Variants in CYP27B1 observed in about 807,000 individuals in gnomAD.
The protein encoded by CYP27B1 is cytochrome P450 family 27 subfamily B member 1.
Under a neutral mutation model 54.8 loss-of-function variants are expected in CYP27B1, and 46 were observed. That is an observed-to-expected ratio of 0.84 (90% CI 0.66 to 1.07). The LOEUF is 1.07. Ranked by LOEUF, CYP27B1 falls within the 50% of genes least tolerant of loss-of-function variation. The pLI is 0.00. For missense variants in CYP27B1, 674 were observed against 692.2 expected, an observed-to-expected ratio of 0.97 and a Z score of 0.30; for synonymous variants, 292 against 297.3, an observed-to-expected ratio of 0.98 and a Z score of 0.18.
chr12:57,764,873 G>T lies in CYP27B1; in HGVS notation c.844C>A (p.Gln282Lys), dbSNP rs1157005605. 6.2e-7 allele frequency: 1 copy of T among 1,614,198 alleles called. No individual in the cohort carries two copies. Among genetic ancestry groups the T allele is most frequent in the Admixed American group, 1.7e-5 (1 of 60,022 alleles). ...CCAGACTCCAGGTCCTTCTCGGGCT[G>T]TCCTCCGTTCCTCATGGCTGCCTCT... ...EAEAAMRNGGQPEKDLESGAH... is the reference protein window; with the variant it reads ...EAEAAMRNGGKPEKDLESGAH... Residue 282 changes from glutamine to lysine, a missense_variant, in exon 5 of 9, where the codon CAG becomes AAG. Gln to Lys is a moderately conservative substitution (Grantham distance 53). Coordinates refer to ENST00000228606, the MANE Select transcript of CYP27B1 (RefSeq NM_000785.4).
chr12:57,766,635 A>AGGCGCTTTC (rs1955363527), intron 1 of CYP27B1: 1 of 620,710 alleles, frequency 1.6e-6, no homozygotes. Context: ...GACAGCGAGA[A>AGGCGCTTTC]GGCGCTTTCG....
rs1480567822 is a variant in CYP27B1, at chr12:57,765,363, G to A, written c.523C>T (p.Arg175Cys). 12 of 1,613,262 alleles carry A rather than the reference G, an allele frequency of 7.4e-6. No individual in the cohort carries two copies. The highest frequency in any genetic ancestry group is 9.3e-6 in the Non-Finnish European group (11 of 1,179,772). Residue 175 changes from arginine (R) to cysteine (C), a missense_variant, in exon 3 of 9, where the codon CGT (arginine) becomes TGT (cysteine). Physicochemically the swap from Arg to Cys is radical, Grantham distance 180. Transcript: ENST00000228606. This position sits in a 1 kb window ranked among gnomAD's most constrained non-coding sequence, Gnocchi z 5.8. ...ACCAGGGCGGGCGGCCCCGTGCCAC[G>A]TCCCCGCTGGCGCCTCAGACGCCGC... ...LVRRLRRQRG[R>C]GTGPPALVRD... is the part of the protein sequence containing the mutation.
At position 57,766,989 on chromosome 12, in the gene CYP27B1, G is replaced by A. The variant is rs1271030322; in HGVS notation, c.53C>T (p.Ala18Val). ...ASRVFHRVRW[A>V]PELGASLGYR... Reference sequence around the variant, plus strand: ...GCCTAGGGAGGCGCCCAACTCGGGCGCCCAGCGGACGCGATGGAACACTCT... The same window carrying A: ...GCCTAGGGAGGCGCCCAACTCGGGCACCCAGCGGACGCGATGGAACACTCT... The change falls in exon 1 of 9, where the codon GCG becomes GTG. Residue 18 changes from alanine (A) to valine (V), a missense_variant. Coordinates refer to ENST00000228606, the MANE Select transcript of CYP27B1 (RefSeq NM_000785.4). The A allele has an allele frequency of 1.2e-6, 2 of 1,614,182 alleles. No homozygotes were observed. Among genetic ancestry groups the A allele is most frequent in the South Asian group, 1.1e-5 (1 of 91,086 alleles).
chr12:57,765,610 G>GC lies in CYP27B1; in HGVS notation c.387-112dup. The GC allele has an allele frequency of 1.7e-6, 2 of 1,171,512 alleles. No individual in the cohort carries two copies. The highest frequency in any genetic ancestry group is 1.2e-6 in the Non-Finnish European group (1 of 800,694). The allele number at this position is 1,171,512 out of a possible 1,614,324, so 72.6% of individuals were successfully genotyped here. A position where few individuals can be genotyped will look rare whatever the true frequency, so the allele number is the denominator to read the frequency against. On this transcript the variant is annotated intron_variant, in intron 2 of 8. Transcript: ENST00000228606. This position sits in a 1 kb window ranked among gnomAD's most constrained non-coding sequence, Gnocchi z 5.8. ...GGTGGCCAGGAGAGGGATTGCGTCT[G>GC]CCCCCTTGGGGTACGGAAACCTGCA...
At position 57,765,759 on chromosome 12, in the gene CYP27B1, A is replaced by G; in HGVS notation, c.386+248T>C. 2 of 817,466 alleles carry G rather than the reference A, an allele frequency of 2.4e-6. No individual in the cohort carries two copies. The highest frequency in any genetic ancestry group is 3.8e-6 in the Non-Finnish European group (2 of 526,414). The allele number at this position is 817,466 out of a possible 1,614,324, so 50.6% of individuals were successfully genotyped here. On this transcript the variant is annotated intron_variant, in intron 2 of 8. Coordinates refer to ENST00000228606, the MANE Select transcript of CYP27B1 (RefSeq NM_000785.4). The surrounding 1 kb of genome is among the most constrained non-coding windows in gnomAD (Gnocchi z 5.8). ...CATTCCATCCAGATCCTTGTACCCT[A>G]GCCCAATTCCTCCGGTTCCCCCAGT...
Position 57,766,977 on chromosome 12 carries a change from CCCAACTCGGGCG to C in CYP27B1, c.53_64del (p.Ala18_Leu21del). 6.2e-7 allele frequency: 1 copy of C among 1,614,208 alleles called. No individual in the cohort carries two copies. ...GTACTCTCGGTAGCCTAGGGAGGCG[CCCAACTCGGGCG>C]CCCAGCGGACGCGATGGAACACTCT... On this transcript the variant is annotated inframe_deletion, in exon 1 of 9. Transcript: ENST00000228606.
At position 57,764,319 on chromosome 12, in the gene CYP27B1, G is replaced by T. The variant is rs1955340834; in HGVS notation, c.1136+59C>A. The T allele has an allele frequency of 5.6e-6, 9 of 1,606,444 alleles. No homozygotes were observed. In the South Asian group the frequency reaches 8.8e-5, roughly 16 times the overall value. On this transcript the variant is annotated intron_variant, in intron 6 of 8. Transcript: ENST00000228606. ...GCTATCTCCCTGCTTCCATCCACTA[G>T]TTGCTTCCCCAGCCCTTCCTTGGCA...
In CYP27B1 at chr12:57,766,922, G is replaced by A. The variant is rs1308500836; in HGVS notation, c.120C>T (p.Ile40=). 2 of 1,614,214 alleles carry A rather than the reference G, an allele frequency of 1.2e-6. No individual in the cohort carries two copies. Among genetic ancestry groups the A allele is most frequent in the Non-Finnish European group, 1.7e-6 (2 of 1,180,034 alleles). Residue 40 remains isoleucine, a synonymous_variant, in exon 1 of 9, where the codon ATC becomes ATT. Coordinates refer to ENST00000228606, the MANE Select transcript of CYP27B1 (RefSeq NM_000785.4). ...GAAAGCTGGGCGTAGAGGGGCCTGG[G>A]ATGTCTGCCAAGCTCCGGCGTGCTG... is the stretch of plus-strand genomic sequence containing the variant. ...YHSARRSLAD[I]PGPSTPSFLA...
intron 8 of CYP27B1, 39 bp from the exon 9 acceptor site, chr12:57,763,294 T>G: frequency 7.0e-6 from 10 of 1,434,296 alleles, no homozygotes; most frequent in Non-Finnish European, 9.8e-6. Flanking sequence ...ATGAAAGATA[T>G]CTATAATGGG....
Position 57,763,213 on chromosome 12 carries a change from G to C in CYP27B1, c.1456C>G (p.Pro486Ala). The change falls in exon 9 of 9, where the codon CCA (proline) becomes GCA (alanine). Residue 486 changes from proline to alanine, a missense_variant. Coordinates refer to ENST00000228606, the MANE Select transcript of CYP27B1 (RefSeq NM_000785.4). ...FEVQPEPGAAPVRPKTRTVLV... is the reference protein window; with the variant it reads ...FEVQPEPGAAAVRPKTRTVLV... ...ACAGTCCGGGTCTTGGGTCTAACTG[G>C]GGCCGCACCTGGCTCAGGCTGCACC... 6.2e-7 allele frequency: 1 copy of C among 1,614,160 alleles called. No homozygotes were observed.
At chr12:57,766,277 G>T in intron 1 of CYP27B1, 80 bp from the exon 2 acceptor site, 2 of 1,438,614 alleles carry the variant, frequency 1.4e-6, no homozygotes, top group Admixed American at 2.7e-5. Context: ...CAAGGGCGTT[G>T]ACTGGGCTTG....
At chr12:57,766,319 C>T in intron 1 of CYP27B1, 122 bp from the exon 2 acceptor site, 2 of 1,318,912 alleles carry the variant, frequency 1.5e-6, no homozygotes, top group South Asian at 1.6e-5. Flanking sequence ...TTCTCGGGTG[C>T]CCAACTAGTG....
Position 57,765,810 on chromosome 12 carries a change from A to G in CYP27B1, c.386+197T>C. The G allele has an allele frequency of 9.1e-7, 1 of 1,101,370 alleles. No homozygotes were observed. Among genetic ancestry groups the G allele is most frequent in the South Asian group, 1.6e-5 (1 of 61,296 alleles). The allele number at this position is 1,101,370 out of a possible 1,614,324, so 68.2% of individuals were successfully genotyped here. On this transcript the variant is annotated intron_variant, in intron 2 of 8. Transcript: ENST00000228606. This position sits in a 1 kb window ranked among gnomAD's most constrained non-coding sequence, Gnocchi z 5.8. ...TCCCAGGATTCGGGCCTCAAAGGATAAGGAGGTAGGCGGGGAGTGAGGTTG... is the reference window on the plus strand; with the variant it reads ...TCCCAGGATTCGGGCCTCAAAGGATGAGGAGGTAGGCGGGGAGTGAGGTTG...
rs201302886 is a variant in CYP27B1, at chr12:57,764,754, C to G, written c.963G>C (p.Thr321=). The change falls in exon 5 of 9, where the codon ACG becomes ACC. Residue 321 remains threonine (T), a splice_region_variant and synonymous_variant. Coordinates refer to ENST00000228606, the MANE Select transcript of CYP27B1 (RefSeq NM_000785.4). ...VTELLLAGVD[T]VSNTLSWALY... ...TCACAGCACGGAGGGAGAACCTCAC[C>G]GTGTCCACTCCCGCCAATAGCAACT... 6.2e-7 allele frequency: 1 copy of G among 1,614,078 alleles called. No individual in the cohort carries two copies. Among genetic ancestry groups the G allele is most frequent in the East Asian group, 2.2e-5 (1 of 44,870 alleles).
At position 57,765,075 on chromosome 12, in the gene CYP27B1, C is replaced by T; in HGVS notation, c.726G>A (p.Leu242=). 4 of 1,613,828 alleles carry T rather than the reference C, an allele frequency of 2.5e-6. No individual in the cohort carries two copies. In the South Asian group the frequency reaches 3.3e-5, roughly 13 times the overall value. The change falls in exon 4 of 9, where the codon CTG becomes CTA. Residue 242 remains leucine (L), a synonymous_variant. Transcript: ENST00000228606. The surrounding 1 kb of genome is among the most constrained non-coding windows in gnomAD (Gnocchi z 5.8). ...CCCAGGGCCCAGGCACAAGGTGGCG[C>T]AGCCAGTGGGGCATCGCCATGGTCA... ...TLLTMAMPHW[L]RHLVPGPWGR... is the part of the protein sequence containing the mutation.
Position 57,765,714 on chromosome 12 carries a change from G to C in CYP27B1, c.387-215C>G, listed in dbSNP as rs1173763034. ...AGGGGCCGGGGTTCCCGGGTAACTT[G>C]AGTCACAGAACCTTACATTCATTCC... On this transcript the variant is annotated intron_variant, in intron 2 of 8. Coordinates refer to ENST00000228606, the MANE Select transcript of CYP27B1 (RefSeq NM_000785.4). The surrounding 1 kb of genome is among the most constrained non-coding windows in gnomAD (Gnocchi z 5.8). 1.7e-5 allele frequency: 14 copies of C among 818,890 alleles called. No individual in the cohort carries two copies. The highest frequency in any genetic ancestry group is 2.6e-5 in the Non-Finnish European group (13 of 497,820). The allele number at this position is 818,890 out of a possible 1,614,324, so 50.7% of individuals were successfully genotyped here. A position where few individuals can be genotyped will look rare whatever the true frequency, so the allele number is the denominator to read the frequency against.
intron 7 of CYP27B1, 49 bp downstream of exon 7, chr12:57,764,049 A>C: frequency 6.7e-7 from 1 of 1,481,942 alleles, no homozygotes. Context: ...GTTGGGGCCC[A>C]AGATAGTGAG....
chr12:57,763,379 T>C (rs1358786059), intron 8 of CYP27B1, 124 bp from the exon 9 acceptor site: 1 of 882,086 alleles, frequency 1.1e-6, no homozygotes, highest in Non-Finnish European at 1.9e-6. Flanking sequence ...GGGTGGCACC[T>C]GTGGCCAGTA....
In CYP27B1 at chr12:57,763,660, C is replaced by T. The variant is rs765035904; in HGVS notation, c.1364G>A (p.Cys455Tyr). 2.5e-6 allele frequency: 4 copies of T among 1,613,896 alleles called. No homozygotes were observed. Among genetic ancestry groups the T allele is most frequent in the East Asian group, 2.2e-5 (1 of 44,882 alleles). ...AAGCTCTGCCAGGCGTCTCCCCATA[C>T]AGCTGCGCTTGCCAAAGCCAAAGGG... ...SLPFGFGKRSCMGRRLAELEL... is the reference protein window; with the variant it reads ...SLPFGFGKRSYMGRRLAELEL... The change falls in exon 8 of 9, where the codon TGT (cysteine) becomes TAT (tyrosine). Residue 455 changes from cysteine to tyrosine, a missense_variant. Transcript: ENST00000228606.
Sources: allele counts gnomAD v4.1 joint callset, GRCh38; gene constraint gnomAD v4.1.1; non-coding constraint Gnocchi (gnomAD v3.1); transcripts MANE v1.5; gene names NCBI Gene and HGNC (gene_info 2026-07-23, HGNC 2026-07-21).